DIS3L2: variants seen among roughly 807,000 people sequenced by gnomAD.
DIS3L2 encodes the protein DIS3-like exonuclease 2.
A neutral mutation model predicts 97.5 loss-of-function variants in DIS3L2; 34 were observed. The observed-to-expected ratio is 0.35, with a 90% CI of 0.27 to 0.46. DIS3L2 has a LOEUF of 0.46. Among genes scored for constraint, DIS3L2 ranks in the 20% least tolerant of loss-of-function variants. DIS3L2 has a pLI of 1.00. For missense variants in DIS3L2, 1,038 were observed against 1,146.0 expected, an observed-to-expected ratio of 0.91 and a Z score of 1.36; for synonymous variants, 435 against 445.2, an observed-to-expected ratio of 0.98 and a Z score of 0.29.
exon 14 of DIS3L2, chr2:232,343,680 G>A: frequency 8.0e-7 from 1 of 1,251,764 alleles, no homozygotes; most frequent in Non-Finnish European, 1.1e-6. Context: ...AGTAGAAAAG[G>A]AGCTGGATGT....
In DIS3L2 at chr2:232,210,352, C is replaced by T. The variant is rs1450566733; in HGVS notation, c.1151C>T (p.Pro384Leu). The stretch of plus-strand genomic sequence containing the variant: ...AAAGACTGTATCTTCACCATTGACC[C>T]ATCAACCGCCCGAGACCTCGATGAT... The part of the protein sequence containing the change: ...LRKDCIFTID[P>L]STARDLDDAL... Residue 384 changes from proline (P) to leucine (L), a missense_variant, in exon 10 of 21, where the codon CCA becomes CTA. Physicochemically the swap from Pro to Leu is moderately conservative, Grantham distance 98. Coordinates refer to ENST00000325385, the MANE Select transcript of DIS3L2 (RefSeq NM_152383.5). 6.2e-7 allele frequency: 1 copy of T among 1,613,672 alleles called. No individual in the cohort carries two copies.
chr2:232,067,456 A>AC (rs1695882632), intron 5 of DIS3L2, among the ~76,000 whole-genome samples: 1 of 152,188 alleles, frequency 6.6e-6, no homozygotes, highest in African/African-American at 2.4e-5. Context: ...AGAATATCAT[A>AC]CTACTATTCA....
At chr2:232,320,179 T>C (rs921911859) in intron 14 of DIS3L2, among the ~76,000 whole-genome samples, 70 of 150,180 alleles carry the variant, frequency 4.7e-4, no homozygotes, top group African/African-American at 1.6e-3. Context: ...CAGAATGTTC[T>C]GGGGGGGGTG....
intron 8 of DIS3L2, among the ~76,000 whole-genome samples, chr2:232,163,098 C>T (rs1230090321): frequency 1.3e-5 from 2 of 152,038 alleles, no homozygotes; most frequent in Non-Finnish European, 2.9e-5. Context: ...CATGACTTAA[C>T]GTACAGGCAC....
chr2:232,101,587 A>G (rs574778960), intron 6 of DIS3L2, among the ~76,000 whole-genome samples: 9 of 152,362 alleles, frequency 5.9e-5, no homozygotes, highest in African/African-American at 1.9e-4. Flanking sequence ...AATAGTATCT[A>G]TCTCAGGAAT....
chr2:232,220,234 G>T (rs1281211482), intron 10 of DIS3L2, among the ~76,000 whole-genome samples: 1 of 151,970 alleles, frequency 6.6e-6, no homozygotes, highest in Admixed American at 6.6e-5. Flanking sequence ...ACTTGAGCCT[G>T]GGGGTTCAAG....
intron 6 of DIS3L2, among the ~76,000 whole-genome samples, chr2:232,102,861 C>T (rs1697245998): frequency 6.6e-6 from 1 of 152,158 alleles, no homozygotes; most frequent in Admixed American, 6.5e-5. Context: ...ATAGTCAGGA[C>T]TGCTGTTTTC....
intron 9 of DIS3L2, among the ~76,000 whole-genome samples, chr2:232,171,391 T>C (rs1690986961): frequency 6.6e-6 from 1 of 152,190 alleles, no homozygotes; most frequent in African/African-American, 2.4e-5. Flanking sequence ...TAACAGAGCA[T>C]GACTCTGTAT....
At chr2:231,996,401 A>G (rs962593206) in intron 1 of DIS3L2, among the ~76,000 whole-genome samples, 11 of 152,188 alleles carry the variant, frequency 7.2e-5, no homozygotes, top group Non-Finnish European at 1.5e-4. Context: ...TTTTGTTTAT[A>G]TCTCAGGTGA....
intron 5 of DIS3L2, among the ~76,000 whole-genome samples, chr2:232,078,069 A>T (rs1405903701): frequency 8.4e-6 from 1 of 118,482 alleles, no homozygotes; most frequent in Admixed American, 1.1e-4. Context: ...TTTGAGATGG[A>T]GTCTAGCTCT....
At chr2:232,105,782 T>G (rs1353064771) in intron 6 of DIS3L2, among the ~76,000 whole-genome samples, 1 of 152,204 alleles carries the variant, frequency 6.6e-6, no homozygotes, top group African/African-American at 2.4e-5. Context: ...GAAACAGGGA[T>G]TCCCAGGCTC....
intron 9 of DIS3L2, among the ~76,000 whole-genome samples, chr2:232,194,477 A>G (rs771955553): frequency 2.6e-5 from 4 of 152,184 alleles, no homozygotes; most frequent in Non-Finnish European, 5.9e-5. Context: ...TTAAGTAAGA[A>G]TGGAGAAATA....
intron 5 of DIS3L2, among the ~76,000 whole-genome samples, chr2:232,073,684 C>G (rs1196706290): frequency 6.6e-6 from 1 of 152,126 alleles, no homozygotes; most frequent in Non-Finnish European, 1.5e-5. Flanking sequence ...GGAAAGGTTA[C>G]CTGGCACTTT....
intron 9 of DIS3L2, among the ~76,000 whole-genome samples, chr2:232,196,379 A>G (rs1379330822): frequency 1.3e-5 from 2 of 152,254 alleles, no homozygotes; most frequent in African/African-American, 2.4e-5. Flanking sequence ...CTGAGACTCT[A>G]GTAAATAATC....
At chr2:232,036,944 A>G (rs1407456946) in intron 5 of DIS3L2, among the ~76,000 whole-genome samples, 1 of 152,154 alleles carries the variant, frequency 6.6e-6, no homozygotes, top group Non-Finnish European at 1.5e-5. Flanking sequence ...GCTCTCCTGT[A>G]TGAGGTGTCT....
intron 14 of DIS3L2, among the ~76,000 whole-genome samples, chr2:232,309,680 C>CAAGCCA (rs959324943): frequency 9.2e-5 from 14 of 152,276 alleles, no homozygotes; most frequent in Admixed American, 3.3e-4. Context: ...GGAAAGTCCT[C>CAAGCCA]AAGCCAAAGC....
intron 5 of DIS3L2, among the ~76,000 whole-genome samples, chr2:232,046,246 T>C (rs1408241639): frequency 6.6e-6 from 1 of 152,206 alleles, no homozygotes; most frequent in Non-Finnish European, 1.5e-5. Flanking sequence ...GCCTTCTGCC[T>C]GTCCTCTCTA....
At chr2:232,329,785 T>TGCCCGGGGGGGGGGGCCC in intron 14 of DIS3L2, 28 bp from the exon 15 acceptor site, 25 of 967,136 alleles carry the variant, frequency 2.6e-5, no homozygotes, top group Middle Eastern at 3.5e-4. Context: ...ACCCCAGCGG[T>TGCCCGGGGGGGGGGGCCC]CCCTCCCATC....
chr2:232,289,046 G>A (rs1694525984), intron 13 of DIS3L2, among the ~76,000 whole-genome samples: 1 of 152,188 alleles, frequency 6.6e-6, no homozygotes, highest in South Asian at 2.1e-4. Flanking sequence ...TATCACAGAT[G>A]CAGTCGTCCT....
Sources: allele counts gnomAD v4.1 joint callset (sites outside exome capture counted in the v4.1 genomes callset), GRCh38; gene constraint gnomAD v4.1.1; transcripts MANE v1.5; gene names NCBI Gene and HGNC (gene_info 2026-07-23, HGNC 2026-07-21).